Variants in TADA2B observed in about 807,000 individuals in gnomAD.
TADA2B encodes transcriptional adapter 2-beta.
TADA2B carries 13 observed loss-of-function variants against 34.5 expected under a neutral mutation model. The observed-to-expected ratio is 0.38, with a 90% confidence interval of 0.25 to 0.60. The LOEUF is 0.60. TADA2B is among the 20% of genes least tolerant of loss of function. The pLI, the probability that TADA2B is intolerant of heterozygous loss-of-function variation, is 0.65. For synonymous variants in TADA2B, 240 were observed against 243.4 expected (o/e 0.99, Z 0.13); for missense variants, 442 against 575.0 (o/e 0.77, Z 2.37).
intron 1 of TADA2B, among the ~76,000 whole-genome samples, chr4:7,052,586 T>C (rs1457842939): frequency 2.0e-5 from 3 of 152,148 alleles, no homozygotes; most frequent in Non-Finnish European, 4.4e-5. Context: ...TGCACGTGTC[T>C]CCTCTTCTGG....
At chr4:7,048,771 T>G (rs1723697057) in intron 1 of TADA2B, among the ~76,000 whole-genome samples, 1 of 151,990 alleles carries the variant, frequency 6.6e-6, no homozygotes, top group Non-Finnish European at 1.5e-5. Flanking sequence ...GGCACCCCCA[T>G]TCTACTTCCC....
At position 7,054,963 on chromosome 4, in the gene TADA2B, G is replaced by C; in HGVS notation, c.1172G>C (p.Ser391Thr). 6.2e-7 allele frequency: 1 copy of C among 1,613,842 alleles called. No homozygotes were observed. The highest frequency in any genetic ancestry group is 8.5e-7 in the Non-Finnish European group (1 of 1,179,876). Residue 391 changes from serine to threonine, a missense_variant, in exon 2 of 2, where the codon AGC becomes ACC. Transcript: ENST00000310074. ...LQKRQGIPSKSRLPSYLDKVL... is the reference protein window; with the variant it reads ...LQKRQGIPSKTRLPSYLDKVL... ...AAGCGGCAAGGAATCCCCTCCAAAAGCCGCCTTCCTAGCTACCTGGACAAA... is the reference window on the plus strand; with the variant it reads ...AAGCGGCAAGGAATCCCCTCCAAAACCCGCCTTCCTAGCTACCTGGACAAA...
At chr4:7,044,748 C>T (rs1723580956) in intron 1 of TADA2B, among the ~76,000 whole-genome samples, 1 of 152,192 alleles carries the variant, frequency 6.6e-6, no homozygotes, top group African/African-American at 2.4e-5. Flanking sequence ...GAGACACCCC[C>T]AGCGCCCTTA....
At position 7,043,574 on chromosome 4, in the gene TADA2B, G is replaced by A. The variant is rs1034011136; in HGVS notation, c.-6G>A. 3.2e-6 allele frequency: 4 copies of A among 1,260,376 alleles called. No homozygotes were observed. In the African/African-American group the frequency reaches 4.6e-5, roughly 15 times the overall value. The allele number at this position is 1,260,376 out of a possible 1,614,324, so 78.1% of individuals were successfully genotyped here. On this transcript the variant is annotated 5_prime_UTR_variant, in exon 1 of 2. Coordinates refer to ENST00000310074, the MANE Select transcript of TADA2B (RefSeq NM_152293.3). ...GGGCCGGGCGGCGGGCGGCGAGCGGGGGAAGATGGCGGAGCTGGGGAAGAA... is the reference window on the plus strand; with the variant it reads ...GGGCCGGGCGGCGGGCGGCGAGCGGAGGAAGATGGCGGAGCTGGGGAAGAA...
intron 1 of TADA2B, 137 bp from the exon 2 acceptor site, chr4:7,053,925 T>C (rs1412410149): frequency 2.6e-5 from 24 of 928,320 alleles, no homozygotes; most frequent in Non-Finnish European, 6.3e-6. Context: ...TGTGACTGAA[T>C]GCCTTTGGGG....
intron 1 of TADA2B, 99 bp downstream of exon 1, chr4:7,043,948 G>C: frequency 1.5e-6 from 2 of 1,335,494 alleles, no homozygotes; most frequent in South Asian, 3.7e-5. Context: ...CTGCTCGCTC[G>C]CTCCGCACCC....
rs976777916 is a variant in TADA2B, at chr4:7,043,866, GGGCC to G, written c.270+20_270+23del. On this transcript the variant is annotated intron_variant, in intron 1 of 1. Coordinates refer to ENST00000310074, the MANE Select transcript of TADA2B (RefSeq NM_152293.3). ...GGAAACTGGGTGAGCGGCGCGACGG[GGGCC>G]GGGTCCCGGCTAGGGCACTGGAAGG... 1 of 1,457,548 alleles carries G rather than the reference GGGCC, an allele frequency of 6.9e-7. No homozygotes were observed. Among genetic ancestry groups the G allele is most frequent in the African/African-American group, 1.5e-5 (1 of 68,568 alleles). The allele number at this position is 1,457,548 out of a possible 1,614,324, so 90.3% of individuals were successfully genotyped here. A position where few individuals can be genotyped will look rare whatever the true frequency, so the allele number is the denominator to read the frequency against.
At chr4:7,053,988 G>T in intron 1 of TADA2B, 74 bp from the exon 2 acceptor site, 2 of 1,463,710 alleles carry the variant, frequency 1.4e-6, no homozygotes, top group Non-Finnish European at 1.8e-6. Flanking sequence ...TTGTAAAAAC[G>T]TGAAGAGAAT....
At chr4:7,053,845 G>GT (rs1723824111) in intron 1 of TADA2B, 1 of 553,830 alleles carries the variant, frequency 1.8e-6, no homozygotes, top group Non-Finnish European at 3.1e-6. Context: ...ACTTTCTCAT[G>GT]TACAGAATCA....
chr4:7,056,802 T>C lies in TADA2B; in HGVS notation c.*1748T>C, dbSNP rs1723901714. ...ATAAATGCGGATGACAGAAAGCTTA[T>C]GCTGTCTACCACTGAACAGTGATGG... On this transcript the variant is annotated 3_prime_UTR_variant, in exon 2 of 2. Transcript: ENST00000310074. 6.6e-6 allele frequency: 1 copy of C among 152,254 alleles called. No individual in the cohort carries two copies. 9.4% of individuals were successfully genotyped at this position (152,254 alleles called of 1,614,324 possible).
intron 1 of TADA2B, among the ~76,000 whole-genome samples, chr4:7,051,620 CAG>C (rs1577216627): frequency 6.7e-6 from 1 of 149,810 alleles, no homozygotes; most frequent in East Asian, 2.0e-4. Flanking sequence ...GTTTTTGAGA[CAG>C]AGTCTCGCTC....
Position 7,056,339 on chromosome 4 carries a change from C to G in TADA2B, c.*1285C>G, listed in dbSNP as rs555292915. 1 of 152,646 alleles carries G rather than the reference C, an allele frequency of 6.6e-6. No homozygotes were observed. Among genetic ancestry groups the G allele is most frequent in the Non-Finnish European group, 1.5e-5 (1 of 68,048 alleles). 9.5% of individuals were successfully genotyped at this position (152,646 alleles called of 1,614,324 possible). On this transcript the variant is annotated 3_prime_UTR_variant, in exon 2 of 2. Coordinates refer to ENST00000310074, the MANE Select transcript of TADA2B (RefSeq NM_152293.3). ...CTTGAGGAAGTCTTTTGTCTTCCAG[C>G]TGCTCAGGGTTCTCTGGTCCAAGAC...
Position 7,043,814 on chromosome 4 carries a change from C to G in TADA2B, c.235C>G (p.Leu79Val). ...GWTSREEQLL[L>V]DAIEQFGFGN... ...GACCAGTCGCGAGGAGCAGCTGCTG[C>G]TGGACGCCATCGAGCAGTTCGGCTT... The change falls in exon 1 of 2, where the codon CTG becomes GTG. Residue 79 changes from leucine (L) to valine (V), a missense_variant. Leu to Val is a conservative substitution (Grantham distance 32). Around this residue, in one of 4 missense-constraint regions of TADA2B, gnomAD observed 102 missense variants for 177.2 expected, o/e 0.58. Transcript: ENST00000310074. 1 of 1,516,324 alleles carries G rather than the reference C, an allele frequency of 6.6e-7. No homozygotes were observed. Among genetic ancestry groups the G allele is most frequent in the Middle Eastern group, 2.1e-4 (1 of 4,754 alleles). The allele number at this position is 1,516,324 out of a possible 1,614,324, so 93.9% of individuals were successfully genotyped here.
chr4:7,054,122 G>T lies in TADA2B; in HGVS notation c.331G>T (p.Val111Leu). 2 of 1,602,678 alleles carry T rather than the reference G, an allele frequency of 1.2e-6. No homozygotes were observed. The highest frequency in any genetic ancestry group is 1.7e-6 in the Non-Finnish European group (2 of 1,174,828). ...TCCCCAAGAGGTGATGGAGCATTAC[G>T]TGAGCATGTACATCCACGGGAACCT... is the stretch of plus-strand genomic sequence containing the variant. Reference protein sequence around the residue: ...RTPQEVMEHYVSMYIHGNLGK... With the variant: ...RTPQEVMEHYLSMYIHGNLGK... The change falls in exon 2 of 2, where the codon GTG (valine) becomes TTG (leucine). Residue 111 changes from valine (V) to leucine (L), a missense_variant. Around this residue, in one of 4 missense-constraint regions of TADA2B, gnomAD observed 102 missense variants for 177.2 expected, o/e 0.58. Transcript: ENST00000310074.
chr4:7,043,942 T>A, intron 1 of TADA2B, 93 bp downstream of exon 1: 1 of 1,345,720 alleles, frequency 7.4e-7, no homozygotes, highest in Non-Finnish European at 9.6e-7. Flanking sequence ...CTGGACCTGC[T>A]CGCTCGCTCC....
chr4:7,044,839 C>A (rs1187818068), intron 1 of TADA2B: 1 of 152,244 alleles, frequency 6.6e-6, no homozygotes, highest in African/African-American at 2.4e-5. Flanking sequence ...CTCCAGCAGT[C>A]CTGCCTGGGC....
chr4:7,047,978 G>T lies in TADA2B; in HGVS notation c.270+4129G>T, dbSNP rs141584532. 2.8e-4 allele frequency among the ~76,000 whole-genome samples: 42 copies of T among 152,288 alleles called. No homozygotes were observed. The East Asian group carries it at 5.8e-3, about 21-fold the overall frequency. ...AGGTGCTCCCCACTTTTACAAACGA[G>T]GAAACAACTGTGGGTGATGTGGGAA... On this transcript the variant is annotated intron_variant, in intron 1 of 1. Coordinates refer to ENST00000310074, the MANE Select transcript of TADA2B (RefSeq NM_152293.3).
intron 1 of TADA2B, among the ~76,000 whole-genome samples, chr4:7,044,224 G>A (rs1723560825): frequency 6.6e-6 from 1 of 152,244 alleles, no homozygotes; most frequent in Non-Finnish European, 1.5e-5. Context: ...AGACTCGACA[G>A]AAAGCGGTGG....
intron 1 of TADA2B, among the ~76,000 whole-genome samples, chr4:7,051,073 CTGT>C: frequency 6.6e-6 from 1 of 152,276 alleles, no homozygotes; most frequent in East Asian, 1.9e-4. Context: ...TGCTTATCTG[CTGT>C]TGTTTTAAAT....
Sources: allele counts gnomAD v4.1 joint callset (sites outside exome capture counted in the v4.1 genomes callset), GRCh38; gene constraint gnomAD v4.1.1; regional missense constraint gnomAD v4.1.1; transcripts MANE v1.5; gene names NCBI Gene and HGNC (gene_info 2026-07-23, HGNC 2026-07-21).